The following DGKG variants were observed in gnomAD, a reference collection of about 807,000 sequenced individuals.
The protein encoded by DGKG is DAG kinase gamma.
A neutral mutation model predicts 105.3 loss-of-function variants in DGKG; 78 were observed. That is an observed-to-expected ratio of 0.74 (90% CI 0.62 to 0.89). The LOEUF (loss-of-function observed/expected upper bound fraction) is 0.89, where lower values mean the gene tolerates loss of function less well. DGKG is among the 40% of genes least tolerant of loss of function. The probability of loss-of-function intolerance (pLI) is 0.00; values close to 1 mark genes in which losing one functional copy is unlikely to be tolerated. For synonymous variants in DGKG, 346 were observed against 367.1 expected (o/e 0.94, Z 0.66); for missense variants, 958 against 1,020.1 (o/e 0.94, Z 0.83).
intron 20 of DGKG, among the ~76,000 whole-genome samples, chr3:186,229,349 G>A (rs544800093): frequency 3.3e-5 from 5 of 151,366 alleles, no homozygotes; most frequent in African/African-American, 1.2e-4. Context: ...CAAGTGATTC[G>A]CATGCCTCAG....
rs973367141 is a variant in DGKG, at chr3:186,147,767, G to A, written c.*2323C>T. 4.1e-6 allele frequency: 4 copies of A among 985,216 alleles called. No individual in the cohort carries two copies. The highest frequency in any genetic ancestry group is 2.3e-4 in the East Asian group (2 of 8,824). 61.0% of individuals were successfully genotyped at this position (985,216 alleles called of 1,614,324 possible). ...GGGATCATGGCTGAAACACATGCAC[G>A]AACTTCTGTAAATGTCTTAGAATCA... On this transcript the variant is annotated 3_prime_UTR_variant, in exon 25 of 25. Transcript: ENST00000265022.
chr3:186,259,100 CCGA>C (rs1721621169), intron 16 of DGKG, among the ~76,000 whole-genome samples: 1 of 103,066 alleles, frequency 9.7e-6, no homozygotes, highest in Admixed American at 8.5e-5. Flanking sequence ...ACTCTGCTCT[CCGA>C]CGGGACTCTC....
chr3:186,273,367 C>CCTTTTTTTTTTTTTTTTTTTTTTTTTTTT (rs1553811123), intron 10 of DGKG, among the ~76,000 whole-genome samples: 1 of 85,598 alleles, frequency 1.2e-5, no homozygotes. Context: ...TGTTGTACCC[C>CCTTTTTTTTTTTTTTTTTTTTTTTTTTTT]TTTTTTTTTT....
intron 22 of DGKG, among the ~76,000 whole-genome samples, chr3:186,179,417 T>A (rs923322973): frequency 1.3e-5 from 2 of 152,204 alleles, no homozygotes; most frequent in African/African-American, 4.8e-5. Flanking sequence ...TTGGTCTGTG[T>A]GAGCCAAAAG....
chr3:186,148,392 G>T lies in DGKG; in HGVS notation c.*1698C>A. 1 of 985,400 alleles carries T rather than the reference G, an allele frequency of 1.0e-6. No individual in the cohort carries two copies. Among genetic ancestry groups the T allele is most frequent in the Non-Finnish European group, 1.2e-6 (1 of 829,940 alleles). 61.0% of individuals were successfully genotyped at this position (985,400 alleles called of 1,614,324 possible). A position where few individuals can be genotyped will look rare whatever the true frequency, so the allele number is the denominator to read the frequency against. On this transcript the variant is annotated 3_prime_UTR_variant, in exon 25 of 25. Transcript: ENST00000265022. ...AGAGTTCAGTCTGATGATCTGTTTAGTACCTTCGATCTCAGACCAACTTCT... is the reference window on the plus strand; with the variant it reads ...AGAGTTCAGTCTGATGATCTGTTTATTACCTTCGATCTCAGACCAACTTCT...
At chr3:186,219,233 C>T (rs1719449126) in intron 20 of DGKG, among the ~76,000 whole-genome samples, 2 of 152,016 alleles carry the variant, frequency 1.3e-5, no homozygotes, top group Non-Finnish European at 1.5e-5. Flanking sequence ...TAAGGGGCCC[C>T]TGACTGTTAC....
chr3:186,230,537 G>A (rs1720101741), intron 20 of DGKG, among the ~76,000 whole-genome samples: 1 of 152,124 alleles, frequency 6.6e-6, no homozygotes, highest in Non-Finnish European at 1.5e-5. Context: ...TGTTATAAAG[G>A]GCGCTAAATG....
At chr3:186,297,515 C>A in intron 4 of DGKG, 32 bp from the exon 5 acceptor site, 1 of 1,487,778 alleles carries the variant, frequency 6.7e-7, no homozygotes. Context: ...TAAAGACCAA[C>A]CCAGGCCCTC....
intron 1 of DGKG, among the ~76,000 whole-genome samples, chr3:186,323,181 T>C (rs1725163212): frequency 6.6e-6 from 1 of 152,234 alleles, no homozygotes; most frequent in African/African-American, 2.4e-5. Context: ...GTAATCTTCT[T>C]TTCATGATAC....
intron 1 of DGKG, among the ~76,000 whole-genome samples, chr3:186,325,222 G>A (rs1362611954): frequency 6.6e-6 from 1 of 152,044 alleles, no homozygotes; most frequent in Non-Finnish European, 1.5e-5. Flanking sequence ...GGAAGTAAAA[G>A]ACACTGGGGA....
chr3:186,350,190 T>G (rs1181016488), intron 1 of DGKG, among the ~76,000 whole-genome samples: 1 of 152,172 alleles, frequency 6.6e-6, no homozygotes, highest in Non-Finnish European at 1.5e-5. Flanking sequence ...ATGCTCAGCC[T>G]TCCACAGAAC....
In DGKG at chr3:186,272,302, T is replaced by A. The variant is rs140102227; in HGVS notation, c.952A>T (p.Ile318Phe). ...TVHERCVSRN[I>F]PGCVKTYSKA... is the part of the protein sequence containing the mutation. Reference sequence around the variant, plus strand: ...GAGTACGTTTTGACACAACCAGGAATGTTTCTGGACACACAGCGTTCGTGG... The same window carrying A: ...GAGTACGTTTTGACACAACCAGGAAAGTTTCTGGACACACAGCGTTCGTGG... Residue 318 changes from isoleucine (I) to phenylalanine (F), a missense_variant, in exon 11 of 25, where the codon ATT (isoleucine) becomes TTT (phenylalanine). By Grantham distance (21) the Ile-to-Phe change is conservative (BLOSUM62 0). Around this residue, in one of 2 missense-constraint regions of DGKG, gnomAD observed 643 missense variants for 619.5 expected, o/e 1.04. Transcript: ENST00000265022. The A allele has an allele frequency of 6.3e-5, 101 of 1,613,926 alleles. No individual in the cohort carries two copies. The highest frequency in any genetic ancestry group is 1.6e-4 in the Middle Eastern group (1 of 6,082).
chr3:186,165,045 G>A (rs977291067), intron 22 of DGKG, 27 bp from the exon 23 acceptor site: 23 of 1,604,594 alleles, frequency 1.4e-5, no homozygotes, highest in Non-Finnish European at 2.0e-5. Context: ...CAAAAGTAGT[G>A]CATACACATC....
chr3:186,286,669 A>G (rs1307542752), intron 6 of DGKG, among the ~76,000 whole-genome samples: 1 of 152,228 alleles, frequency 6.6e-6, no homozygotes, highest in Non-Finnish European at 1.5e-5. Flanking sequence ...AAGTTAAGGA[A>G]GGATATAAAT....
chr3:186,249,127 C>G (rs1271698492), intron 19 of DGKG, among the ~76,000 whole-genome samples: 1 of 152,048 alleles, frequency 6.6e-6, no homozygotes, highest in Non-Finnish European at 1.5e-5. Context: ...GGCCTTTGAG[C>G]ACGAAGAGGA....
chr3:186,250,624 A>G (rs1032328860), intron 19 of DGKG, among the ~76,000 whole-genome samples: 1 of 123,790 alleles, frequency 8.1e-6, no homozygotes, highest in Non-Finnish European at 1.6e-5. Context: ...ATCTCGGCTC[A>G]TTGCAACCTC....
rs1578809874 is a variant in DGKG at position 186,306,942 on chromosome 3, A to G, written c.103T>C (p.Phe35Leu). 1.9e-6 allele frequency: 3 copies of G among 1,613,408 alleles called. No homozygotes were observed. Among genetic ancestry groups the G allele is most frequent in the Non-Finnish European group, 2.5e-6 (3 of 1,179,366 alleles). Residue 35 changes from phenylalanine (F) to leucine (L), a missense_variant, in exon 3 of 25, where the codon TTT (phenylalanine) becomes CTT (leucine). Phe to Leu is a conservative substitution (Grantham distance 22). Coordinates refer to ENST00000265022, the MANE Select transcript of DGKG (RefSeq NM_001346.3). ...SKKIKDALTEFNEGGSLKQYD... is the reference protein window; with the variant it reads ...SKKIKDALTELNEGGSLKQYD... ...TGTTTGAGGCTCCCACCCTCATTAAATTCAGTCAAGGCATCTTTTATCTTC... is the reference window on the plus strand; with the variant it reads ...TGTTTGAGGCTCCCACCCTCATTAAGTTCAGTCAAGGCATCTTTTATCTTC...
In DGKG at chr3:186,149,821, T is replaced by A. The variant is rs551137578; in HGVS notation, c.*269A>T. The A allele has an allele frequency of 5.1e-6, 6 of 1,168,430 alleles. No individual in the cohort carries two copies. The East Asian group carries it at 2.6e-4, about 51-fold the overall frequency. The allele number at this position is 1,168,430 out of a possible 1,614,324, so 72.4% of individuals were successfully genotyped here. On this transcript the variant is annotated 3_prime_UTR_variant, in exon 25 of 25. Coordinates refer to ENST00000265022, the MANE Select transcript of DGKG (RefSeq NM_001346.3). The stretch of plus-strand genomic sequence containing the variant: ...AGGCCTGTGGGAATGTGGAGGTTGC[T>A]GCCTAAGCCAGCCACAACCTCATGG...
chr3:186,250,633 T>C (rs1721171635), intron 19 of DGKG, among the ~76,000 whole-genome samples: 1 of 138,976 alleles, frequency 7.2e-6, no homozygotes, highest in Non-Finnish European at 1.5e-5. Context: ...CATTGCAACC[T>C]CTTCCTCCCA....
Sources: gnomAD v4.1 joint callset for allele counts (sites outside exome capture counted in the v4.1 genomes callset) on GRCh38, gnomAD v4.1.1 for gene constraint, gnomAD v4.1.1 regional missense constraint, MANE v1.5 for transcripts, NCBI Gene and HGNC (gene_info 2026-07-23, HGNC 2026-07-21) for gene names.